The following UPRT variants were observed in gnomAD, a reference collection of about 807,000 sequenced individuals.
The protein encoded by UPRT is RP11-311P8.3.
In UPRT, 5 loss-of-function variants were observed where a neutral mutation model predicts 22.6. The ratio of observed to expected loss-of-function variants is 0.22; its 90% confidence interval spans 0.12 to 0.47. The LOEUF (loss-of-function observed/expected upper bound fraction) is 0.47. UPRT is among the 20% of genes least tolerant of loss of function. The pLI is 0.99. For missense variants in UPRT, 181 were observed against 239.9 expected (o/e 0.75, Z 1.62); for synonymous variants, 77 against 87.7 (o/e 0.88, Z 0.68).
intron 4 of UPRT, among the ~76,000 whole-genome samples, chrX:75,261,702 T>G (rs1181535505): frequency 3.6e-5 from 4 of 111,694 alleles, no homozygotes. Context: ...TACCAAAGCC[T>G]GGCAGAGATA....
At chrX:75,232,390 C>A (rs1167976641) in intron 4 of UPRT, among the ~76,000 whole-genome samples, 5 of 112,671 alleles carry the variant, frequency 4.4e-5, no homozygotes, top group Non-Finnish European at 9.4e-5. Context: ...CCCAGGCTTG[C>A]TTAGGTAAAC....
At chrX:75,199,546 G>A (rs2082342012) in intron 4 of UPRT, among the ~76,000 whole-genome samples, 1 of 110,824 alleles carries the variant, frequency 9.0e-6, no homozygotes, top group South Asian at 3.9e-4. Flanking sequence ...TGGGCCTTCG[G>A]TGAGACTCTG....
At chrX:75,239,620 T>C (rs1384525842) in intron 4 of UPRT, among the ~76,000 whole-genome samples, 1 of 110,666 alleles carries the variant, frequency 9.0e-6, no homozygotes, top group Non-Finnish European at 1.9e-5. Flanking sequence ...ATCACCCTAA[T>C]ACCAAAACCA....
chrX:75,214,837 C>T, intron 4 of UPRT, among the ~76,000 whole-genome samples: 1 of 111,120 alleles, frequency 9.0e-6, no homozygotes, highest in South Asian at 3.8e-4. Flanking sequence ...TGGTTGAACC[C>T]AGGAGTTCAA....
chrX:75,296,220 C>A (rs2082725244), intron 2 of UPRT, 122 bp from the exon 3 acceptor site: 2 of 628,675 alleles, frequency 3.2e-6, no homozygotes, highest in Admixed American at 2.9e-5. Flanking sequence ...CCCTTACTGC[C>A]TCCACAAGTG....
chrX:75,223,279 A>C (rs1429644578), intron 4 of UPRT, among the ~76,000 whole-genome samples: 3 of 108,893 alleles, frequency 2.8e-5, no homozygotes, highest in Admixed American at 9.9e-5. Flanking sequence ...GTCTTTTTGG[A>C]GCTTCACATT....
intron 4 of UPRT, among the ~76,000 whole-genome samples, chrX:75,183,505 C>A: frequency 8.9e-6 from 1 of 112,055 alleles, no homozygotes; most frequent in Non-Finnish European, 1.9e-5. Context: ...GCCTTTATAG[C>A]AGCATGATTT....
chrX:75,160,560 T>C (rs1377021077), exon 2 of UPRT, among the ~76,000 whole-genome samples: 1 of 112,308 alleles, frequency 8.9e-6, no homozygotes, highest in East Asian at 2.8e-4. Flanking sequence ...AGACAGAGTC[T>C]CGCTCTTGTC....
intron 4 of UPRT, among the ~76,000 whole-genome samples, chrX:75,241,636 C>A (rs1356073181): frequency 4.5e-5 from 5 of 111,747 alleles, no homozygotes; most frequent in Non-Finnish European, 9.4e-5. Context: ...ATGTTTATAG[C>A]AGCACAATTT....
At chrX:75,227,977 C>T (rs1044240666) in intron 4 of UPRT, among the ~76,000 whole-genome samples, 6 of 111,857 alleles carry the variant, frequency 5.4e-5, no homozygotes, top group Admixed American at 2.8e-4. Context: ...CACACAGGCA[C>T]ATTGATAGTA....
chrX:75,240,477 C>T (rs1480706965), intron 4 of UPRT, among the ~76,000 whole-genome samples: 2 of 111,809 alleles, frequency 1.8e-5, no homozygotes, highest in Admixed American at 1.9e-4. Flanking sequence ...AAACACATCC[C>T]ATGCTCATGG....
At chrX:75,285,392 C>A (rs1037153381) in intron 1 of UPRT, 1 of 111,764 alleles carries the variant, frequency 8.9e-6, no homozygotes. Flanking sequence ...GCTCCTCTGG[C>A]CTCCCTCCTG....
chrX:75,274,775 GGTGTGTGTGTGT>G (rs201034223), intron 1 of UPRT, 135 bp downstream of exon 1: 435 of 359,845 alleles, frequency 1.2e-3, no homozygotes, highest in Non-Finnish European at 1.4e-3. Context: ...CCTTTTATTT[GGTGTGTGTGTGT>G]GTGTGTGTGT....
chrX:75,284,664 CA>C (rs2082672601), intron 1 of UPRT, among the ~76,000 whole-genome samples: 2 of 111,523 alleles, frequency 1.8e-5, no homozygotes, highest in South Asian at 7.6e-4. Context: ...ATGGGTCTGT[CA>C]GCCATGGATA....
At chrX:75,230,377 C>T (rs2082434620) in intron 4 of UPRT, among the ~76,000 whole-genome samples, 1 of 110,874 alleles carries the variant, frequency 9.0e-6, no homozygotes, top group Non-Finnish European at 1.9e-5. Context: ...GCTGTATGGC[C>T]CCACCCATCA....
chrX:75,167,698 G>C (rs1205870312), intron 3 of UPRT, among the ~76,000 whole-genome samples: 2 of 110,856 alleles, frequency 1.8e-5, no homozygotes, highest in South Asian at 3.7e-4. Flanking sequence ...CTTTTGAAAA[G>C]TGTCTGTCCA....
intron 4 of UPRT, among the ~76,000 whole-genome samples, chrX:75,235,425 T>G (rs977255967): frequency 4.5e-5 from 5 of 111,960 alleles, no homozygotes; most frequent in Non-Finnish European, 7.5e-5. Flanking sequence ...GAATCCTCCC[T>G]AACTCATTTT....
intron 4 of UPRT, among the ~76,000 whole-genome samples, chrX:75,181,267 AG>A (rs2082269340): frequency 9.0e-6 from 1 of 111,307 alleles, no homozygotes. Context: ...CTTGTAGTAT[AG>A]TTTGAAATTG....
At chrX:75,236,455 G>T (rs2082464508) in intron 4 of UPRT, among the ~76,000 whole-genome samples, 1 of 111,335 alleles carries the variant, frequency 9.0e-6, no homozygotes, top group Non-Finnish European at 1.9e-5. Context: ...CTACTTTAAA[G>T]TTCATATGGA....
Sources: gnomAD v4.1 joint callset for allele counts (sites outside exome capture counted in the v4.1 genomes callset) on GRCh38, gnomAD v4.1.1 for gene constraint, MANE v1.5 for transcripts, NCBI Gene and HGNC (gene_info 2026-07-23, HGNC 2026-07-21) for gene names.